MBNL3: variants seen among roughly 807,000 people sequenced by gnomAD.
MBNL3 encodes the protein muscleblind like splicing regulator 3, also known as muscleblind-like protein 3.
A neutral mutation model predicts 24.5 loss-of-function variants in MBNL3; 6 were observed. The observed-to-expected ratio is 0.25, with a 90% CI of 0.13 to 0.48. The LOEUF (loss-of-function observed/expected upper bound fraction) is 0.48. Among genes scored for constraint, MBNL3 ranks in the 20% least tolerant of loss-of-function variants. The probability of loss-of-function intolerance (pLI) is 0.99; values close to 1 mark genes in which losing one functional copy is unlikely to be tolerated. For missense variants in MBNL3, 230 were observed against 293.5 expected (o/e 0.78, Z 1.58); for synonymous variants, 100 against 101.7 (o/e 0.98, Z 0.10).
intron 1 of MBNL3, among the ~76,000 whole-genome samples, chrX:132,451,398 G>T (rs929073650): frequency 8.9e-6 from 1 of 111,798 alleles, no homozygotes; most frequent in Non-Finnish European, 1.9e-5. Flanking sequence ...AGGCAGCCTG[G>T]GTACAGTGGC....
At chrX:132,473,448 G>A (rs773019469) in intron 1 of MBNL3, among the ~76,000 whole-genome samples, 1 of 112,108 alleles carries the variant, frequency 8.9e-6, no homozygotes, top group African/African-American at 3.2e-5. Context: ...CTAAAGTCCT[G>A]TTGATTTTGT....
intron 1 of MBNL3, among the ~76,000 whole-genome samples, chrX:132,454,246 C>G (rs766248620): frequency 9.4e-6 from 1 of 106,691 alleles, no homozygotes; most frequent in African/African-American, 3.3e-5. Flanking sequence ...CACACACACA[C>G]ATACACACAC....
At chrX:132,396,511 CATATATATTCATATATATATTCAT>C (rs1325611922) in intron 3 of MBNL3, among the ~76,000 whole-genome samples, 1 of 50,081 alleles carries the variant, frequency 2.0e-5, no homozygotes. Flanking sequence ...TATATATATT[CATATATATTCATATATATATTCAT>C]ATATATATTC....
intron 1 of MBNL3, among the ~76,000 whole-genome samples, chrX:132,452,528 C>A (rs758534406): frequency 8.9e-6 from 1 of 112,813 alleles, no homozygotes; most frequent in East Asian, 2.8e-4. Context: ...AACACAAAAG[C>A]CCTGTCCTTT....
intron 2 of MBNL3, among the ~76,000 whole-genome samples, chrX:132,421,772 G>A (rs1943840759): frequency 9.0e-6 from 1 of 110,759 alleles, no homozygotes; most frequent in Non-Finnish European, 1.9e-5. Context: ...CACTCTAGTT[G>A]GTACTATTTT....
In MBNL3 at chrX:132,390,250, AAAC is replaced by A. The variant is rs1196166599; in HGVS notation, c.771+594_771+596del. Among the ~76,000 whole-genome samples, 110 of 80,132 alleles carry A rather than the reference AAAC, an allele frequency of 1.4e-3. 4 individuals are homozygous for A. Among genetic ancestry groups the A allele is most frequent in the African/African-American group, 5.0e-3 (99 of 19,954 alleles). The allele number at this position is 80,132 out of a possible 115,157, so 69.6% of individuals were successfully genotyped here. ...CACCCCCACAAAACAAAACAAAACA[AAAC>A]AACAACAACAACAAAAAAAAAAAAA... On this transcript the variant is annotated intron_variant, in intron 5 of 8. Coordinates refer to ENST00000370853, the MANE Select transcript of MBNL3 (RefSeq NM_001386889.1).
chrX:132,395,035 A>G lies in MBNL3; in HGVS notation c.343-2701T>C, dbSNP rs1937824881. ...ATAACTATTTCCTCCTTGAGTATGA[A>G]ATGCATTCTATAACACTGTTTATTG... On this transcript the variant is annotated intron_variant, in intron 3 of 8. Transcript: ENST00000370853. Among the ~76,000 whole-genome samples, 3 of 111,851 alleles carry G rather than the reference A, an allele frequency of 2.7e-5. No individual in the cohort carries two copies. The Admixed American group carries it at 2.9e-4, about 11-fold the overall frequency.
At chrX:132,391,960 A>G (rs1341013617) in intron 4 of MBNL3, among the ~76,000 whole-genome samples, 183 bp downstream of exon 4, 1 of 112,038 alleles carries the variant, frequency 8.9e-6, no homozygotes, top group Admixed American at 9.5e-5. Flanking sequence ...TTGACCTACC[A>G]TACAGGTGAA....
chrX:132,371,346 T>G lies in MBNL3; in HGVS notation c.*8320A>C. ...AGCCCAACTCCAGAACAGTGGTCAA[T>G]GCAGAGAAGTTCCAGATTCGCATTT... On this transcript the variant is annotated 3_prime_UTR_variant, in exon 9 of 9. Transcript: ENST00000370853. 1 of 112,253 alleles carries G rather than the reference T, an allele frequency of 8.9e-6. No individual in the cohort carries two copies. Among genetic ancestry groups the G allele is most frequent in the African/African-American group, 3.2e-5 (1 of 30,928 alleles). The allele number at this position is 112,253 out of a possible 1,213,427, so 9.3% of individuals were successfully genotyped here. A position where few individuals can be genotyped will look rare whatever the true frequency, so the allele number is the denominator to read the frequency against.
Position 132,372,508 on chromosome X carries a change from TAATA to T in MBNL3, c.*7154_*7157del, listed in dbSNP as rs1370805742. The T allele has an allele frequency of 9.2e-6, 1 of 108,167 alleles. No homozygotes were observed. Among genetic ancestry groups the T allele is most frequent in the Non-Finnish European group, 1.9e-5 (1 of 52,254 alleles). The allele number at this position is 108,167 out of a possible 1,213,427, so 8.9% of individuals were successfully genotyped here. On this transcript the variant is annotated 3_prime_UTR_variant, in exon 9 of 9. Coordinates refer to ENST00000370853, the MANE Select transcript of MBNL3 (RefSeq NM_001386889.1). ...TAATATTAAAATAATATTAAAATAT[TAATA>T]AATAAGTTTATTTTGAAAAGGGCAT...
chrX:132,445,501 T>G (rs1175192892), intron 1 of MBNL3, among the ~76,000 whole-genome samples: 1 of 111,645 alleles, frequency 9.0e-6, no homozygotes, highest in Admixed American at 9.5e-5. Flanking sequence ...TCATTAACTT[T>G]TTTTTAAAGC....
At chrX:132,455,956 G>A (rs757870313) in intron 1 of MBNL3, among the ~76,000 whole-genome samples, 2 of 111,836 alleles carry the variant, frequency 1.8e-5, no homozygotes, top group East Asian at 5.6e-4. Flanking sequence ...ACATGGTTTT[G>A]TTTCAATTGC....
Position 132,374,217 on chromosome X carries a change from G to C in MBNL3, c.*5449C>G, listed in dbSNP as rs181126889. ...CTATCATAACGGTAATATCTATCTT[G>C]TAATACATGAGGTATTTCACTGCTT... On this transcript the variant is annotated 3_prime_UTR_variant, in exon 9 of 9. Transcript: ENST00000370853. The C allele has an allele frequency of 9.0e-6, 1 of 111,293 alleles. No homozygotes were observed. The highest frequency in any genetic ancestry group is 3.3e-5 in the African/African-American group (1 of 30,662). 9.2% of individuals were successfully genotyped at this position (111,293 alleles called of 1,213,427 possible).
At chrX:132,380,370 G>A (rs973023216) in intron 8 of MBNL3, among the ~76,000 whole-genome samples, 2 of 112,038 alleles carry the variant, frequency 1.8e-5, no homozygotes, top group Non-Finnish European at 3.8e-5. Flanking sequence ...TTTCCAAGTT[G>A]CCACTATCCC....
intron 2 of MBNL3, chrX:132,411,208 ACT>A: frequency 4.0e-6 from 3 of 751,733 alleles, no homozygotes; most frequent in East Asian, 3.1e-4. Flanking sequence ...TGCTGTCCCA[ACT>A]CTGTTTTCTT....
At chrX:132,466,815 A>C (rs1026040819) in intron 1 of MBNL3, among the ~76,000 whole-genome samples, 1 of 111,475 alleles carries the variant, frequency 9.0e-6, no homozygotes, top group African/African-American at 3.3e-5. Flanking sequence ...CAGGGGGCTG[A>C]CCTCATAGTA....
At chrX:132,415,289 A>G (rs1943194680) in intron 2 of MBNL3, among the ~76,000 whole-genome samples, 1 of 112,261 alleles carries the variant, frequency 8.9e-6, no homozygotes. Flanking sequence ...TCCACTTGGT[A>G]AAATTAAATT....
rs1453659685 is a variant in MBNL3 at position 132,379,680 on chromosome X, G to A, written c.1054-3C>T. ...AACTCTGCTGTTCAGAATTTCAGCT[G>A]AAATGGAAAAAAAAAGAAAGAAAGA... is the stretch of plus-strand genomic sequence containing the variant. On this transcript the variant is annotated splice_region_variant and splice_polypyrimidine_tract_variant and intron_variant, in intron 8 of 8. Coordinates refer to ENST00000370853, the MANE Select transcript of MBNL3 (RefSeq NM_001386889.1). The A allele has an allele frequency of 1.7e-6, 2 of 1,177,701 alleles. No individual in the cohort carries two copies. Among genetic ancestry groups the A allele is most frequent in the Non-Finnish European group, 2.3e-6 (2 of 868,322 alleles).
chrX:132,439,384 A>G, intron 2 of MBNL3, 51 bp downstream of exon 2: 1 of 1,076,657 alleles, frequency 9.3e-7, no homozygotes. Context: ...CATATTTCAA[A>G]AAACATAGAA....
Sources: allele counts gnomAD v4.1 joint callset (sites outside exome capture counted in the v4.1 genomes callset), GRCh38; gene constraint gnomAD v4.1.1; transcripts MANE v1.5; gene names NCBI Gene and HGNC (gene_info 2026-07-23, HGNC 2026-07-21).